VDAC1: variants seen among roughly 807,000 people sequenced by gnomAD.
VDAC1 encodes the protein non-selective voltage-gated ion channel VDAC1.
Under a neutral mutation model 34.7 loss-of-function variants are expected in VDAC1, and 10 were observed. The ratio of observed to expected loss-of-function variants is 0.29; its 90% CI spans 0.18 to 0.49. VDAC1 has a LOEUF of 0.49. Ranked by LOEUF, VDAC1 falls within the 20% of genes least tolerant of loss-of-function variation. VDAC1 has a pLI of 0.99. For missense variants in VDAC1, 230 were observed against 347.9 expected, an observed-to-expected ratio of 0.66 and a Z score of 2.69; for synonymous variants, 130 against 136.0, an observed-to-expected ratio of 0.96 and a Z score of 0.30.
chr5:134,024,400 G>A, the VDAC1 span, among the ~76,000 whole-genome samples: 6 of 150,820 alleles, frequency 4.0e-5, no homozygotes, highest in Non-Finnish European at 8.9e-5. Flanking sequence ...GTGGTGGTGG[G>A]CACCTGTAGT....
the VDAC1 span, among the ~76,000 whole-genome samples, chr5:134,088,639 T>A: frequency 5.3e-5 from 8 of 152,320 alleles, no homozygotes; most frequent in South Asian, 2.1e-4. Flanking sequence ...ACATAAAGCA[T>A]AAATGTATAA....
the VDAC1 span, among the ~76,000 whole-genome samples, chr5:134,109,973 C>G: frequency 0.02 from 2,990 of 152,276 alleles, 105 homozygotes; most frequent in African/African-American, 0.068. Context: ...GGCCACTCCA[C>G]GTTTGCCTTC....
At chr5:134,012,133 C>T in the VDAC1 span, among the ~76,000 whole-genome samples, 1 of 152,246 alleles carries the variant, frequency 6.6e-6, no homozygotes, top group Admixed American at 6.5e-5. Flanking sequence ...AAGAAGGAGC[C>T]ATGAGCCAAG....
the VDAC1 span, among the ~76,000 whole-genome samples, chr5:134,025,885 C>A: frequency 1.3e-5 from 2 of 152,164 alleles, no homozygotes; most frequent in African/African-American, 4.8e-5. Context: ...AGCTGTGGAA[C>A]TCAGGGTCTG....
chr5:134,081,440 A>G, the VDAC1 span, among the ~76,000 whole-genome samples: 1 of 152,224 alleles, frequency 6.6e-6, no homozygotes, highest in East Asian at 1.9e-4. Context: ...CAGCCTCCCA[A>G]AGTACTGGGA....
the VDAC1 span, among the ~76,000 whole-genome samples, chr5:134,101,316 G>GCGGTGGCT: frequency 0.01 from 1,576 of 152,260 alleles, 9 homozygotes; most frequent in Middle Eastern, 0.037. Flanking sequence ...TTGGCCAGGC[G>GCGGTGGCT]CGGTGGCTCA....
chr5:134,051,136 C>T, the VDAC1 span, among the ~76,000 whole-genome samples: 4 of 152,336 alleles, frequency 2.6e-5, no homozygotes, highest in African/African-American at 9.6e-5. Context: ...CTTGAAGGCA[C>T]CCTGTGGGCC....
chr5:133,972,727 A>G lies in VDAC1; in HGVS notation c.*44T>C, dbSNP rs1393123132. On this transcript the variant is annotated 3_prime_UTR_variant, in exon 9 of 9. Transcript: ENST00000265333. ...GATACACTAAATTCTGAAGGTAGCTATGCTGCAAAATAGTTTAAAATTAAA... is the reference window on the plus strand; with the variant it reads ...GATACACTAAATTCTGAAGGTAGCTGTGCTGCAAAATAGTTTAAAATTAAA... The G allele has an allele frequency of 8.2e-7, 1 of 1,217,346 alleles. No homozygotes were observed. Among genetic ancestry groups the G allele is most frequent in the Non-Finnish European group, 1.2e-6 (1 of 835,918 alleles). The allele number at this position is 1,217,346 out of a possible 1,614,324, so 75.4% of individuals were successfully genotyped here.
intron 1 of VDAC1, among the ~76,000 whole-genome samples, chr5:133,994,846 G>A (rs1168577175): frequency 6.6e-6 from 1 of 152,102 alleles, no homozygotes; most frequent in African/African-American, 2.4e-5. Context: ...GGTGGGGGCT[G>A]GGGAAGCAGA....
chr5:134,090,132 G>C, the VDAC1 span, among the ~76,000 whole-genome samples: 1 of 152,118 alleles, frequency 6.6e-6, no homozygotes, highest in Non-Finnish European at 1.5e-5. Flanking sequence ...CCCACATTCA[G>C]GCCAAGCTAG....
At chr5:134,032,006 G>A in the VDAC1 span, among the ~76,000 whole-genome samples, 1 of 148,440 alleles carries the variant, frequency 6.7e-6, no homozygotes, top group Non-Finnish European at 1.5e-5. Context: ...TCATGCACCT[G>A]TAGTCCCAGC....
chr5:134,078,402 G>A, the VDAC1 span, among the ~76,000 whole-genome samples: 1 of 152,124 alleles, frequency 6.6e-6, no homozygotes, highest in Non-Finnish European at 1.5e-5. Flanking sequence ...CTGGGAGCAG[G>A]TGCCTATTCA....
the VDAC1 span, among the ~76,000 whole-genome samples, chr5:134,031,338 C>T: frequency 2.0e-5 from 3 of 152,124 alleles, no homozygotes. Flanking sequence ...TAAATACTGA[C>T]CCCCAAAGAT....
intron 1 of VDAC1, among the ~76,000 whole-genome samples, chr5:134,003,269 C>G (rs1022774702): frequency 6.6e-6 from 1 of 152,160 alleles, no homozygotes; most frequent in African/African-American, 2.4e-5. Context: ...CTGGGGTGGG[C>G]AGAATGAAGG....
At chr5:134,045,131 T>C in the VDAC1 span, among the ~76,000 whole-genome samples, 1 of 152,076 alleles carries the variant, frequency 6.6e-6, no homozygotes, top group African/African-American at 2.4e-5. Flanking sequence ...GCTCCTTCCA[T>C]GGGGGAGGAA....
chr5:133,989,382 CAG>C, intron 5 of VDAC1: 1 of 146,904 alleles, frequency 6.8e-6, no homozygotes, highest in Middle Eastern at 3.5e-3. Flanking sequence ...TTTTTGGAGA[CAG>C]AGTCTCTCTC....
the VDAC1 span, among the ~76,000 whole-genome samples, chr5:134,106,835 C>A: frequency 6.6e-6 from 1 of 152,204 alleles, no homozygotes; most frequent in Non-Finnish European, 1.5e-5. Flanking sequence ...AAAATGGAAA[C>A]CCAGGCTCTC....
chr5:134,072,227 A>G, the VDAC1 span, among the ~76,000 whole-genome samples: 4 of 152,284 alleles, frequency 2.6e-5, no homozygotes, highest in African/African-American at 9.6e-5. Flanking sequence ...AACCATGAAC[A>G]ATAACCAGTC....
intron 5 of VDAC1, chr5:133,989,263 GAAGA>G (rs143598886): frequency 0.21 from 31,177 of 151,538 alleles, 3,430 homozygotes; most frequent in East Asian, 0.44. Flanking sequence ...AGGAAAAAAG[GAAGA>G]AAGAAAAAAA....
Sources: allele counts gnomAD v4.1 joint callset (sites outside exome capture counted in the v4.1 genomes callset), GRCh38; gene constraint gnomAD v4.1.1; transcripts MANE v1.5; gene names NCBI Gene and HGNC (gene_info 2026-07-23, HGNC 2026-07-21).